The following MAPK10 variants were observed in gnomAD, a reference collection of about 807,000 sequenced individuals.
The protein encoded by MAPK10 is JNK3 alpha protein kinase.
MAPK10 carries 25 observed loss-of-function variants against 59.3 expected under a neutral mutation model. The observed-to-expected ratio is 0.42, with a 90% CI of 0.31 to 0.59. The LOEUF is 0.59. Among genes scored for constraint, MAPK10 ranks in the 20% least tolerant of loss-of-function variants. The pLI, the probability that MAPK10 is intolerant of heterozygous loss-of-function variation, is 0.15. For missense variants in MAPK10, 351 were observed against 568.9 expected, an observed-to-expected ratio of 0.62 and a Z score of 3.90; for synonymous variants, 190 against 200.5, an observed-to-expected ratio of 0.95 and a Z score of 0.44.
chr4:86,525,224 G>A (rs1004336110), intron 1 of MAPK10, among the ~76,000 whole-genome samples: 4 of 152,258 alleles, frequency 2.6e-5, no homozygotes, highest in South Asian at 4.2e-4. Flanking sequence ...TGGAGCCCTG[G>A]AGGCAGAGGC....
chr4:86,414,149 G>A lies in MAPK10; in HGVS notation c.-122+38881C>T, dbSNP rs564281851. On this transcript the variant is annotated intron_variant, in intron 1 of 13. Transcript: ENST00000361569. ...TTTATGAATACAATTGAATATTTTG[G>A]TAATCATCCTAACAACCATTCTACC... Among the ~76,000 whole-genome samples, 17 of 152,066 alleles carry A rather than the reference G, an allele frequency of 1.1e-4. No homozygotes were observed. The South Asian group carries it at 2.7e-3, about 24-fold the overall frequency.
At chr4:86,428,741 C>G (rs1747642057) in intron 1 of MAPK10, among the ~76,000 whole-genome samples, 1 of 152,194 alleles carries the variant, frequency 6.6e-6, no homozygotes, top group Non-Finnish European at 1.5e-5. Context: ...TTCTTATTAA[C>G]ATTTCACAAT....
intron 1 of MAPK10, among the ~76,000 whole-genome samples, chr4:86,509,996 A>T (rs1291149187): frequency 6.6e-6 from 1 of 152,224 alleles, no homozygotes; most frequent in Non-Finnish European, 1.5e-5. Flanking sequence ...AAATTCCTTA[A>T]GAAATCCTAT....
At chr4:86,334,849 A>C (rs1038257356) in intron 2 of MAPK10, among the ~76,000 whole-genome samples, 3 of 152,138 alleles carry the variant, frequency 2.0e-5, no homozygotes, top group African/African-American at 7.2e-5. Flanking sequence ...AATAATTGGA[A>C]ACTGTGATAC....
intron 1 of MAPK10, among the ~76,000 whole-genome samples, chr4:86,460,204 A>AC (rs2149060798): frequency 6.6e-6 from 1 of 152,298 alleles, no homozygotes; most frequent in African/African-American, 2.4e-5. Context: ...CTAAAATATA[A>AC]CCCCCAAATA....
chr4:86,343,322 G>T (rs554053953), intron 2 of MAPK10, among the ~76,000 whole-genome samples: 74 of 152,100 alleles, frequency 4.9e-4, no homozygotes, highest in Non-Finnish European at 9.4e-4. Flanking sequence ...CATCCCTCTT[G>T]TTAGAACGTT....
chr4:86,408,689 T>TA (rs1411517359), intron 1 of MAPK10, among the ~76,000 whole-genome samples: 1 of 152,222 alleles, frequency 6.6e-6, no homozygotes, highest in African/African-American at 2.4e-5. Context: ...GTTGGCTGCA[T>TA]AAATGTCTTC....
chr4:86,344,533 G>A (rs1052567295), intron 2 of MAPK10, among the ~76,000 whole-genome samples: 1 of 142,834 alleles, frequency 7.0e-6, no homozygotes, highest in African/African-American at 2.5e-5. Flanking sequence ...GAAACAAAGT[G>A]AAATTTATCT....
chr4:86,387,439 C>T (rs995839973), intron 1 of MAPK10, among the ~76,000 whole-genome samples: 3 of 152,140 alleles, frequency 2.0e-5, no homozygotes, highest in Non-Finnish European at 4.4e-5. Context: ...TTATAATAAA[C>T]AACTATTTAG....
intron 1 of MAPK10, among the ~76,000 whole-genome samples, chr4:86,439,510 G>A (rs1281055108): frequency 6.6e-6 from 1 of 152,094 alleles, no homozygotes; most frequent in Non-Finnish European, 1.5e-5. Flanking sequence ...GAACATTTGG[G>A]TTGTTTCCAA....
upstream of MAPK10, among the ~76,000 whole-genome samples, chr4:86,360,956 T>C (rs1321740206): frequency 6.6e-6 from 1 of 152,248 alleles, no homozygotes; most frequent in Non-Finnish European, 1.5e-5. Flanking sequence ...CTCCAGCCTT[T>C]GGACTTCTCA....
intron 1 of MAPK10, among the ~76,000 whole-genome samples, chr4:86,555,720 T>C (rs1297251831): frequency 6.6e-6 from 1 of 152,204 alleles, no homozygotes. Flanking sequence ...TATAATGAGC[T>C]ATAGCATAGG....
intron 2 of MAPK10, among the ~76,000 whole-genome samples, chr4:86,319,134 G>A (rs749678700): frequency 6.6e-6 from 1 of 152,108 alleles, no homozygotes; most frequent in African/African-American, 2.4e-5. Flanking sequence ...TGGGTAAAAC[G>A]TTGGTTGGAG....
intron 1 of MAPK10, among the ~76,000 whole-genome samples, chr4:86,375,480 G>A (rs2148996704): frequency 6.6e-6 from 1 of 152,104 alleles, no homozygotes; most frequent in Non-Finnish European, 1.5e-5. Flanking sequence ...CAGCACTTTG[G>A]GGTGCCAAGG....
chr4:86,190,820 C>T (rs2079538684), intron 3 of MAPK10, among the ~76,000 whole-genome samples: 1 of 152,054 alleles, frequency 6.6e-6, no homozygotes, highest in Non-Finnish European at 1.5e-5. Context: ...TTCTCTAGTT[C>T]TTTTAATTAT....
intron 11 of MAPK10, among the ~76,000 whole-genome samples, chr4:86,053,737 C>T (rs956012424): frequency 2.0e-5 from 3 of 152,088 alleles, no homozygotes; most frequent in African/African-American, 7.2e-5. Flanking sequence ...GTTGGATAAT[C>T]TCTTTTTTTC....
At chr4:86,502,131 G>T (rs1337526658) in intron 1 of MAPK10, among the ~76,000 whole-genome samples, 12 of 151,922 alleles carry the variant, frequency 7.9e-5, no homozygotes. Context: ...ATTTTCTTCT[G>T]CCTCTTTAAC....
At chr4:86,290,736 A>G (rs1161034727) in intron 2 of MAPK10, among the ~76,000 whole-genome samples, 3 of 152,194 alleles carry the variant, frequency 2.0e-5, no homozygotes, top group Non-Finnish European at 4.4e-5. Context: ...TGAATAAATG[A>G]AGCCACCATT....
At chr4:86,345,642 T>C (rs2148949461) in intron 2 of MAPK10, among the ~76,000 whole-genome samples, 1 of 152,276 alleles carries the variant, frequency 6.6e-6, no homozygotes, top group South Asian at 2.1e-4. Context: ...CAAGGGCTCT[T>C]CCTTTTCCAG....
Sources: gnomAD v4.1 joint callset for allele counts (sites outside exome capture counted in the v4.1 genomes callset) on GRCh38, gnomAD v4.1.1 for gene constraint, MANE v1.5 for transcripts, NCBI Gene and HGNC (gene_info 2026-07-23, HGNC 2026-07-21) for gene names.